HPSE2: variants seen among roughly 807,000 people sequenced by gnomAD.
The protein encoded by HPSE2 is heparanase 2 (inactive), also known as inactive heparanase-2.
HPSE2 carries 38 observed loss-of-function variants against 60.5 expected under a neutral mutation model. That is an observed-to-expected ratio of 0.63 (90% CI 0.48 to 0.82). The LOEUF (loss-of-function observed/expected upper bound fraction) is 0.82, where lower values mean the gene tolerates loss of function less well. Ranked by LOEUF, HPSE2 falls within the 40% of genes least tolerant of loss-of-function variation. The pLI, the probability that HPSE2 is intolerant of heterozygous loss-of-function variation, is 0.00. For missense variants in HPSE2, 713 were observed against 740.4 expected (o/e 0.96, Z 0.43); for synonymous variants, 295 against 293.2 (o/e 1.01, Z -0.06).
intron 9 of HPSE2, among the ~76,000 whole-genome samples, chr10:98,516,674 G>A (rs562821118): frequency 6.6e-6 from 1 of 152,244 alleles, no homozygotes; most frequent in Admixed American, 6.5e-5. Flanking sequence ...TGCAGGGAAA[G>A]GCAAGAGGTA....
Position 98,737,944 on chromosome 10 carries a change from T to C in HPSE2, c.784+5939A>G, listed in dbSNP as rs185538664. On this transcript the variant is annotated intron_variant, in intron 4 of 11. Coordinates refer to ENST00000370552, the MANE Select transcript of HPSE2 (RefSeq NM_021828.5). The stretch of plus-strand genomic sequence containing the variant: ...CAATGCTATGCTCATCAAGCTACCA[T>C]TGACTTTCTTCACAGAAGTAGAAAA... Among the ~76,000 whole-genome samples, 1,058 of 152,292 alleles carry C rather than the reference T, an allele frequency of 6.9e-3. 9 individuals are homozygous for C. The highest frequency in any genetic ancestry group is 0.027 in the South Asian group (132 of 4,830).
intron 3 of HPSE2, among the ~76,000 whole-genome samples, chr10:98,907,557 T>C (rs1428006237): frequency 6.6e-6 from 1 of 152,174 alleles, no homozygotes; most frequent in East Asian, 1.9e-4. Flanking sequence ...CAAGGCATGG[T>C]CTAAAATCAG....
chr10:99,039,804 GA>G (rs1213141059), intron 3 of HPSE2, among the ~76,000 whole-genome samples: 2 of 152,004 alleles, frequency 1.3e-5, no homozygotes, highest in African/African-American at 4.8e-5. Context: ...TCAATCAGTA[GA>G]AAGGGAAAAT....
At chr10:99,144,190 G>A (rs1481364315) in intron 3 of HPSE2, 48 bp downstream of exon 3, 1 of 1,593,716 alleles carries the variant, frequency 6.3e-7, no homozygotes, top group Non-Finnish European at 8.6e-7. Flanking sequence ...CAAAAAACAA[G>A]TTACTAACTG....
Position 98,561,691 on chromosome 10 carries a change from TA to T in HPSE2, c.1320+53212del, listed in dbSNP as rs1263750527. ...GGTGAAACCCCGTCTCTACTAAAAA[TA>T]AAAAAATTAGCTGGGTGTGGTGGCG... On this transcript the variant is annotated intron_variant, in intron 9 of 11. Coordinates refer to ENST00000370552, the MANE Select transcript of HPSE2 (RefSeq NM_021828.5). Among the ~76,000 whole-genome samples, 3 of 152,004 alleles carry T rather than the reference TA, an allele frequency of 2.0e-5. No individual in the cohort carries two copies. The East Asian group carries it at 5.8e-4, about 29-fold the overall frequency.
At chr10:98,662,055 C>T (rs530975235) in intron 6 of HPSE2, among the ~76,000 whole-genome samples, 78 of 152,200 alleles carry the variant, frequency 5.1e-4, no homozygotes, top group African/African-American at 1.7e-3. Context: ...CCACCATGCC[C>T]GGCTAATTTT....
At chr10:99,290,883 A>G in the HPSE2 span, among the ~76,000 whole-genome samples, 6 of 152,200 alleles carry the variant, frequency 3.9e-5, no homozygotes, top group African/African-American at 1.4e-4. Flanking sequence ...AACAGAGCTG[A>G]AGATTTCTGA....
chr10:98,886,496 G>T (rs188422846), intron 3 of HPSE2, among the ~76,000 whole-genome samples: 12 of 152,206 alleles, frequency 7.9e-5, no homozygotes, highest in Admixed American at 2.6e-4. Flanking sequence ...TTAAGAGACA[G>T]AGGAGATACA....
intron 3 of HPSE2, among the ~76,000 whole-genome samples, chr10:98,763,838 A>G (rs72836708): frequency 0.015 from 2,285 of 152,132 alleles, 32 homozygotes; most frequent in African/African-American, 0.03. Context: ...AAGAAATGCA[A>G]AAGGAAGTCC....
chr10:99,205,256 T>TA (rs1331957938), intron 2 of HPSE2, among the ~76,000 whole-genome samples: 2 of 151,804 alleles, frequency 1.3e-5, no homozygotes, highest in Non-Finnish European at 2.9e-5. Flanking sequence ...ATTTTAAAAC[T>TA]AAAAAAATAG....
chr10:98,608,212 C>G (rs1483144976), intron 9 of HPSE2, among the ~76,000 whole-genome samples: 1 of 152,152 alleles, frequency 6.6e-6, no homozygotes, highest in Non-Finnish European at 1.5e-5. Context: ...CAAATACTTC[C>G]CTGTCTCTAA....
At chr10:98,701,747 C>G (rs371661465) in intron 5 of HPSE2, among the ~76,000 whole-genome samples, 2 of 152,170 alleles carry the variant, frequency 1.3e-5, no homozygotes, top group South Asian at 4.2e-4. Context: ...CATTTCCAGA[C>G]AAGCAAATGC....
At chr10:98,873,282 GGTTT>G (rs1401708976) in intron 3 of HPSE2, among the ~76,000 whole-genome samples, 10 of 151,766 alleles carry the variant, frequency 6.6e-5, no homozygotes, top group Non-Finnish European at 1.5e-4. Flanking sequence ...AGAACATGCA[GGTTT>G]GTTACATAGG....
intron 3 of HPSE2, among the ~76,000 whole-genome samples, chr10:99,038,332 A>C (rs931107739): frequency 1.3e-5 from 2 of 152,204 alleles, no homozygotes; most frequent in African/African-American, 4.8e-5. Context: ...ACTACTTGGC[A>C]ATAAAAAGAA....
intron 4 of HPSE2, among the ~76,000 whole-genome samples, chr10:98,740,535 T>C (rs1565126471): frequency 1.3e-5 from 2 of 152,296 alleles, no homozygotes; most frequent in East Asian, 1.9e-4. Flanking sequence ...CCTCTTGATA[T>C]TGGGTATATC....
At chr10:98,675,740 G>C (rs1947624354) in intron 6 of HPSE2, among the ~76,000 whole-genome samples, 1 of 152,018 alleles carries the variant, frequency 6.6e-6, no homozygotes, top group African/African-American at 2.4e-5. Context: ...ATCTAAGAAA[G>C]AAAGTGAGAC....
chr10:98,521,688 C>T (rs111484057), intron 9 of HPSE2, among the ~76,000 whole-genome samples: 8 of 152,148 alleles, frequency 5.3e-5, no homozygotes, highest in African/African-American at 1.9e-4. Context: ...TGCACACATA[C>T]GATTATTGCG....
At chr10:98,708,520 C>T (rs60727597) in intron 5 of HPSE2, among the ~76,000 whole-genome samples, 1,832 of 151,680 alleles carry the variant, frequency 0.012, 27 homozygotes, top group African/African-American at 0.041. Flanking sequence ...ATTTTTTAAC[C>T]GTAGTGGTAT....
chr10:98,869,475 G>A (rs772172539), intron 3 of HPSE2, among the ~76,000 whole-genome samples: 1 of 152,008 alleles, frequency 6.6e-6, no homozygotes, highest in African/African-American at 2.4e-5. Flanking sequence ...TGGTTTTTGG[G>A]AATTAGCTTC....
Sources: gnomAD v4.1 joint callset for allele counts (sites outside exome capture counted in the v4.1 genomes callset) on GRCh38, gnomAD v4.1.1 for gene constraint, MANE v1.5 for transcripts, NCBI Gene and HGNC (gene_info 2026-07-23, HGNC 2026-07-21) for gene names.